Variants in ADGRL2 observed in about 807,000 individuals in gnomAD.
ADGRL2 encodes adhesion G protein-coupled receptor L2.
In ADGRL2, 44 loss-of-function variants were observed where a neutral mutation model predicts 157.4. The ratio of observed to expected loss-of-function variants is 0.28; its 90% CI spans 0.22 to 0.36. The LOEUF (loss-of-function observed/expected upper bound fraction) is 0.36. ADGRL2 is among the 10% of genes least tolerant of loss of function. The pLI, the probability that ADGRL2 is intolerant of heterozygous loss-of-function variation, is 1.00. For missense variants in ADGRL2, 1,510 were observed against 1,768.9 expected, an observed-to-expected ratio of 0.85 and a Z score of 2.63; for synonymous variants, 585 against 624.7, an observed-to-expected ratio of 0.94 and a Z score of 0.95.
intron 1 of ADGRL2, among the ~76,000 whole-genome samples, chr1:81,415,837 C>T (rs1040468102): frequency 7.6e-6 from 1 of 131,522 alleles, no homozygotes; most frequent in East Asian, 2.0e-4. Flanking sequence ...ACAGTATCTC[C>T]TTTTCCTTTT....
chr1:81,643,779 A>T (rs1172761944), intron 3 of ADGRL2, among the ~76,000 whole-genome samples: 1 of 152,250 alleles, frequency 6.6e-6, no homozygotes, highest in African/African-American at 2.4e-5. Context: ...GAGATTCCAT[A>T]TTCATGGATA....
intron 2 of ADGRL2, among the ~76,000 whole-genome samples, chr1:81,466,270 G>A (rs982592529): frequency 6.6e-6 from 1 of 152,138 alleles, no homozygotes; most frequent in Non-Finnish European, 1.5e-5. Context: ...TTCCCAGCCA[G>A]CAAAAGGTAT....
intron 1 of ADGRL2, among the ~76,000 whole-genome samples, chr1:81,413,988 C>T (rs1285873268): frequency 6.6e-6 from 1 of 152,088 alleles, no homozygotes; most frequent in Non-Finnish European, 1.5e-5. Context: ...TGATCAAATA[C>T]AAAAATCATC....
rs2083389874 is a variant in ADGRL2, at chr1:81,693,818, T to A, written c.-142-67993T>A. On this transcript the variant is annotated intron_variant, in intron 3 of 24. Transcript: ENST00000370721. ...TCAGTGGCTGGCAGGGGAAATTATA[T>A]ATAGAAAAATGACACAGAAAAGATA... Among the ~76,000 whole-genome samples, 9 of 152,270 alleles carry A rather than the reference T, an allele frequency of 5.9e-5. No individual in the cohort carries two copies. In the South Asian group the frequency reaches 1.9e-3, roughly 32 times the overall value.
At chr1:81,361,719 CAA>C (rs1177689403) in intron 1 of ADGRL2, among the ~76,000 whole-genome samples, 3 of 151,880 alleles carry the variant, frequency 2.0e-5, no homozygotes, top group African/African-American at 7.2e-5. Context: ...CCTTAAAGTA[CAA>C]AAGGGATAAA....
chr1:81,547,473 C>T (rs2080046576), intron 2 of ADGRL2, among the ~76,000 whole-genome samples: 1 of 152,204 alleles, frequency 6.6e-6, no homozygotes, highest in Admixed American at 6.5e-5. Context: ...ATTTCTCTGT[C>T]TTCTACCAAG....
At chr1:81,477,040 TCC>T (rs1437895763) in intron 2 of ADGRL2, among the ~76,000 whole-genome samples, 1 of 152,180 alleles carries the variant, frequency 6.6e-6, no homozygotes, top group East Asian at 1.9e-4. Flanking sequence ...ATAAAACTTA[TCC>T]TCTCTGTTCA....
At chr1:81,842,957 TA>T (rs1429507753) in intron 2 of ADGRL2, among the ~76,000 whole-genome samples, 1 of 152,066 alleles carries the variant, frequency 6.6e-6, no homozygotes. Context: ...GTCTAGGAGG[TA>T]AATTTTTAGC....
intron 3 of ADGRL2, among the ~76,000 whole-genome samples, chr1:81,680,387 A>G (rs2083085632): frequency 6.6e-6 from 1 of 152,200 alleles, no homozygotes; most frequent in Admixed American, 6.5e-5. Context: ...TTCATTTCAT[A>G]GGCGGTTCAG....
intron 2 of ADGRL2, among the ~76,000 whole-genome samples, chr1:81,842,811 G>A (rs994840390): frequency 6.6e-6 from 1 of 151,994 alleles, no homozygotes; most frequent in African/African-American, 2.4e-5. Context: ...CTAATACCCT[G>A]GTTCTTTTCT....
At chr1:81,385,245 C>G (rs1435717657) in intron 1 of ADGRL2, among the ~76,000 whole-genome samples, 1 of 152,084 alleles carries the variant, frequency 6.6e-6, no homozygotes, top group African/African-American at 2.4e-5. Context: ...CAAGATACAG[C>G]TTTCGGGGCT....
chr1:81,548,236 T>C (rs1188851546), intron 2 of ADGRL2, among the ~76,000 whole-genome samples: 1 of 152,172 alleles, frequency 6.6e-6, no homozygotes, highest in South Asian at 2.1e-4. Flanking sequence ...TTTCTTTTTT[T>C]ACTCTTTTTA....
intron 2 of ADGRL2, among the ~76,000 whole-genome samples, chr1:81,500,143 A>T (rs2078815975): frequency 6.6e-6 from 1 of 152,206 alleles, no homozygotes; most frequent in Admixed American, 6.5e-5. Flanking sequence ...GCTATTATTA[A>T]AACCAAAATC....
At chr1:81,361,435 T>C (rs1286165473) in intron 1 of ADGRL2, among the ~76,000 whole-genome samples, 1 of 151,958 alleles carries the variant, frequency 6.6e-6, no homozygotes, top group Non-Finnish European at 1.5e-5. Flanking sequence ...TGACAAATTC[T>C]ATCAGAGTCT....
At chr1:81,878,979 T>A (rs977969526) in intron 2 of ADGRL2, among the ~76,000 whole-genome samples, 3 of 152,218 alleles carry the variant, frequency 2.0e-5, no homozygotes, top group African/African-American at 7.2e-5. Flanking sequence ...CCAAAACATT[T>A]AAAAATACCT....
chr1:81,359,984 C>T lies in ADGRL2; in HGVS notation c.-302+53475C>T, dbSNP rs74936958. 3.2e-3 allele frequency among the ~76,000 whole-genome samples: 481 copies of T among 152,102 alleles called. 7 individuals carry two copies. In the South Asian group the frequency reaches 0.049, roughly 15 times the overall value. On this transcript the variant is annotated intron_variant, in intron 1 of 24. Transcript: ENST00000370721. ...GCTATAATAGACAATAATCTATTCT[C>T]GCACAGCAGCCAGGGTGATCATTTT...
chr1:81,701,712 T>A (rs1185313348), intron 1 of ADGRL2, among the ~76,000 whole-genome samples: 1 of 152,238 alleles, frequency 6.6e-6, no homozygotes, highest in Non-Finnish European at 1.5e-5. Flanking sequence ...TGCTGTCTGT[T>A]TTCTTGCCAA....
At chr1:81,490,012 T>C (rs1358646532) in intron 2 of ADGRL2, among the ~76,000 whole-genome samples, 1 of 118,338 alleles carries the variant, frequency 8.5e-6, no homozygotes, top group Non-Finnish European at 1.6e-5. Context: ...GAAAGCCATA[T>C]GAAGAAATAT....
At chr1:81,766,880 C>T (rs1438849085) in intron 2 of ADGRL2, among the ~76,000 whole-genome samples, 1 of 149,178 alleles carries the variant, frequency 6.7e-6, no homozygotes, top group African/African-American at 2.5e-5. Flanking sequence ...AAATGCAGAT[C>T]GTGAATACCC....
Sources: gnomAD v4.1 joint callset for allele counts (sites outside exome capture counted in the v4.1 genomes callset) on GRCh38, gnomAD v4.1.1 for gene constraint, MANE v1.5 for transcripts, NCBI Gene and HGNC (gene_info 2026-07-23, HGNC 2026-07-21) for gene names.